The following SMCHD1 variants were observed in gnomAD, a reference collection of about 807,000 sequenced individuals.
The protein encoded by SMCHD1 is structural maintenance of chromosomes flexible hinge domain-containing protein 1.
A neutral mutation model predicts 254.7 loss-of-function variants in SMCHD1; 78 were observed. The ratio of observed to expected loss-of-function variants is 0.31; its 90% CI spans 0.26 to 0.37. The LOEUF is 0.37. Ranked by LOEUF, SMCHD1 falls within the 10% of genes least tolerant of loss-of-function variation. The probability of loss-of-function intolerance (pLI) is 1.00; values close to 1 mark genes in which losing one functional copy is unlikely to be tolerated. For missense variants in SMCHD1, 1,840 were observed against 2,408.1 expected (o/e 0.76, Z 4.94); for synonymous variants, 766 against 794.9 (o/e 0.96, Z 0.61).
At chr18:2,799,925 CTT>C (rs1224403006) in intron 47 of SMCHD1, among the ~76,000 whole-genome samples, 1 of 152,050 alleles carries the variant, frequency 6.6e-6, no homozygotes, top group African/African-American at 2.4e-5. Flanking sequence ...CTTTCTCTCT[CTT>C]ATAAATTCCT....
At chr18:2,755,842 C>T (rs2075668804) in intron 34 of SMCHD1, among the ~76,000 whole-genome samples, 1 of 152,182 alleles carries the variant, frequency 6.6e-6, no homozygotes. Context: ...GCTGGGATTA[C>T]AGGTGTGAAT....
intron 5 of SMCHD1, among the ~76,000 whole-genome samples, chr18:2,674,533 A>G (rs1388788146): frequency 6.6e-6 from 1 of 152,204 alleles, no homozygotes; most frequent in Non-Finnish European, 1.5e-5. Flanking sequence ...CTGTTGCTCT[A>G]CTTTCAGAGC....
intron 45 of SMCHD1, among the ~76,000 whole-genome samples, chr18:2,789,786 T>G (rs2076291528): frequency 6.6e-6 from 1 of 152,242 alleles, no homozygotes; most frequent in Non-Finnish European, 1.5e-5. Context: ...TTATTTCAAG[T>G]GTTCTGTAGA....
At position 2,786,914 on chromosome 18, in the gene SMCHD1, G is replaced by A. The variant is rs144806806; in HGVS notation, c.5719+2293G>A. Among the ~76,000 whole-genome samples, 6 of 151,820 alleles carry A rather than the reference G, an allele frequency of 4.0e-5. No individual in the cohort carries two copies. The East Asian group carries it at 1.2e-3, about 29-fold the overall frequency. ...ATGCATGTAGTTCATTTTCATTGCA[G>A]GATAATACTTCATTGTGTGAATGAA... On this transcript the variant is annotated intron_variant, in intron 45 of 47. Transcript: ENST00000320876.
chr18:2,750,060 A>G lies in SMCHD1; in HGVS notation c.3945A>G (p.Gln1315=), dbSNP rs546385196. 8 of 1,568,764 alleles carry G rather than the reference A, an allele frequency of 5.1e-6. No individual in the cohort carries two copies. The highest frequency in any genetic ancestry group is 3.5e-5 in the South Asian group (3 of 85,272). Reference sequence around the variant, plus strand: ...GTTTTTAGCTCATGCCTTCAAACCAACAGCATAAAACAGATGAGAAAGGCA... The same window carrying G: ...GTTTTTAGCTCATGCCTTCAAACCAGCAGCATAAAACAGATGAGAAAGGCA... The part of the protein sequence containing the change: ...ASNLKLMPSN[Q]QHKTDEKGRA... Residue 1315 remains glutamine, a synonymous_variant, in exon 31 of 48, where the codon CAA becomes CAG. Coordinates refer to ENST00000320876, the MANE Select transcript of SMCHD1 (RefSeq NM_015295.3).
rs1018122018 is a variant in SMCHD1 at position 2,744,551 on chromosome 18, G to A, written c.3801+623G>A. Among the ~76,000 whole-genome samples, 21 of 151,986 alleles carry A rather than the reference G, an allele frequency of 1.4e-4. No homozygotes were observed. In the South Asian group the frequency reaches 2.5e-3, roughly 18 times the overall value. ...GAATGGCTAAATCAAGCTAATTAAC[G>A]CACATATTCTCATACTTTTTTTTGT... is the stretch of plus-strand genomic sequence containing the variant. On this transcript the variant is annotated intron_variant, in intron 29 of 47. Coordinates refer to ENST00000320876, the MANE Select transcript of SMCHD1 (RefSeq NM_015295.3).
intron 47 of SMCHD1, among the ~76,000 whole-genome samples, 159 bp from the exon 48 acceptor site, chr18:2,802,369 T>C (rs986008096): frequency 6.6e-6 from 1 of 152,138 alleles, no homozygotes; most frequent in African/African-American, 2.4e-5. Flanking sequence ...GTGAAGGAAA[T>C]GATTATATAT....
intron 28 of SMCHD1, among the ~76,000 whole-genome samples, chr18:2,741,402 G>C (rs1389713326): frequency 6.6e-6 from 1 of 152,010 alleles, no homozygotes; most frequent in Admixed American, 6.6e-5. Flanking sequence ...TGAGAGAGAA[G>C]ATCTCTCAGG....
At chr18:2,729,224 A>C in intron 23 of SMCHD1, 51 bp from the exon 24 acceptor site, 1 of 1,324,732 alleles carries the variant, frequency 7.5e-7, no homozygotes, top group Admixed American at 3.5e-5. Flanking sequence ...ATTACGGAAG[A>C]ATCAAATATA....
At chr18:2,762,802 T>C (rs967901734) in intron 36 of SMCHD1, among the ~76,000 whole-genome samples, 2 of 152,194 alleles carry the variant, frequency 1.3e-5, no homozygotes, top group African/African-American at 4.8e-5. Context: ...CCTTTTCTAA[T>C]ACATACCTTT....
At chr18:2,738,279 ACT>A (rs1491351044) in intron 25 of SMCHD1, 116 bp from the exon 26 acceptor site, 2 of 905,966 alleles carry the variant, frequency 2.2e-6, no homozygotes, top group Admixed American at 3.4e-5. Flanking sequence ...CCATAAAGAG[ACT>A]TTTTTCTTGG....
chr18:2,709,730 A>T (rs116686499), intron 17 of SMCHD1, among the ~76,000 whole-genome samples: 4,125 of 152,192 alleles, frequency 0.027, 75 homozygotes, highest in Middle Eastern at 0.11. Context: ...ACAAAGGTCT[A>T]TTCAGGTCCT....
At position 2,802,532 on chromosome 18, in the gene SMCHD1, A is replaced by G. The variant is rs745891281; in HGVS notation, c.5998A>G (p.Ile2000Val). Residue 2000 changes from isoleucine to valine, a missense_variant, in exon 48 of 48, where the codon ATA (isoleucine) becomes GTA (valine). By Grantham distance (29) the Ile-to-Val change is conservative (BLOSUM62 3). Transcript: ENST00000320876. ...TTTTCTTTCCCCTTTGACCAGGATT[A>G]TAACCAAAACAGATGTATGAGAGGT... ...RREATRQNRI[I>V]TKTDV 13 of 1,554,208 alleles carry G rather than the reference A, an allele frequency of 8.4e-6. No individual in the cohort carries two copies. Among genetic ancestry groups the G allele is most frequent in the Non-Finnish European group, 1.1e-5 (13 of 1,148,376 alleles).
chr18:2,744,117 C>T (rs147360096), intron 29 of SMCHD1, among the ~76,000 whole-genome samples, 189 bp downstream of exon 29: 153 of 152,150 alleles, frequency 1.0e-3, no homozygotes, highest in African/African-American at 3.4e-3. Flanking sequence ...TCATTGTGTC[C>T]TCATTTGTTA....
chr18:2,675,737 G>A (rs1171842485), intron 5 of SMCHD1, among the ~76,000 whole-genome samples: 2 of 152,128 alleles, frequency 1.3e-5, no homozygotes, highest in Non-Finnish European at 2.9e-5. Context: ...GGTAGATTAG[G>A]CAAAATGGTC....
At chr18:2,791,383 C>G (rs2076162284) in intron 45 of SMCHD1, among the ~76,000 whole-genome samples, 1 of 152,088 alleles carries the variant, frequency 6.6e-6, no homozygotes, top group Non-Finnish European at 1.5e-5. Flanking sequence ...TGAGACCAGC[C>G]TGGGCAATAC....
At chr18:2,714,524 G>T (rs536603092) in intron 17 of SMCHD1, among the ~76,000 whole-genome samples, 14 of 152,012 alleles carry the variant, frequency 9.2e-5, no homozygotes, top group African/African-American at 3.1e-4. Flanking sequence ...TTGTTATCTA[G>T]TTGCTTTGTA....
intron 39 of SMCHD1, among the ~76,000 whole-genome samples, chr18:2,771,144 TAGG>T (rs1298192439): frequency 6.6e-6 from 1 of 152,188 alleles, no homozygotes; most frequent in Non-Finnish European, 1.5e-5. Context: ...TAGAATATAA[TAGG>T]AGCTAAATCT....
At chr18:2,680,117 A>G (rs1009848626) in intron 5 of SMCHD1, among the ~76,000 whole-genome samples, 48 of 152,240 alleles carry the variant, frequency 3.2e-4, no homozygotes, top group African/African-American at 1.1e-3. Flanking sequence ...CTTTTAGTTC[A>G]TTAGACATGG....
Sources: allele counts gnomAD v4.1 joint callset (sites outside exome capture counted in the v4.1 genomes callset), GRCh38; gene constraint gnomAD v4.1.1; transcripts MANE v1.5; gene names NCBI Gene and HGNC (gene_info 2026-07-23, HGNC 2026-07-21).